Variants in KLHL1 observed in about 807,000 individuals in gnomAD.
KLHL1 encodes kelch like family member 1.
KLHL1 carries 47 observed loss-of-function variants against 77.7 expected under a neutral mutation model. The observed-to-expected ratio is 0.60, with a 90% confidence interval of 0.48 to 0.77. The LOEUF (loss-of-function observed/expected upper bound fraction) is 0.77, where lower values mean the gene tolerates loss of function less well. Among genes scored for constraint, KLHL1 ranks in the 30% least tolerant of loss-of-function variants. The pLI is 0.00. For synonymous variants in KLHL1, 360 were observed against 325.2 expected (o/e 1.11, Z -1.15); for missense variants, 925 against 910.8 (o/e 1.02, Z -0.20).
chr13:70,065,194 A>G (rs1318166227), intron 1 of KLHL1, among the ~76,000 whole-genome samples: 1 of 152,206 alleles, frequency 6.6e-6, no homozygotes, highest in African/African-American at 2.4e-5. Context: ...GTAGAAAAAA[A>G]TATTTTAACT....
chr13:69,896,515 TA>T (rs935676871), intron 4 of KLHL1, among the ~76,000 whole-genome samples: 2 of 152,170 alleles, frequency 1.3e-5, no homozygotes, highest in Admixed American at 1.3e-4. Context: ...TGCTTGTTAT[TA>T]AAAAAATAGT....
At chr13:69,865,201 T>C (rs1277721086) in intron 5 of KLHL1, among the ~76,000 whole-genome samples, 1 of 152,124 alleles carries the variant, frequency 6.6e-6, no homozygotes, top group Non-Finnish European at 1.5e-5. Context: ...CCTCTCCAAG[T>C]GCAGAGATTG....
intron 1 of KLHL1, among the ~76,000 whole-genome samples, chr13:69,976,642 C>T (rs4545684): frequency 6.6e-6 from 1 of 151,900 alleles, no homozygotes; most frequent in East Asian, 1.9e-4. Context: ...TAATTAGATT[C>T]ATAAAGTTAA....
intron 6 of KLHL1, among the ~76,000 whole-genome samples, chr13:69,834,955 T>A (rs1405052257): frequency 6.6e-6 from 1 of 152,148 alleles, no homozygotes; most frequent in Non-Finnish European, 1.5e-5. Context: ...TAATACATGA[T>A]ATTTAAAATT....
chr13:69,709,406 A>G (rs926190837), intron 9 of KLHL1, among the ~76,000 whole-genome samples: 1 of 152,136 alleles, frequency 6.6e-6, no homozygotes, highest in African/African-American at 2.4e-5. Flanking sequence ...TAACTGACTG[A>G]ATATTTAATA....
At chr13:70,024,339 A>T (rs1885877414) in intron 1 of KLHL1, among the ~76,000 whole-genome samples, 1 of 151,910 alleles carries the variant, frequency 6.6e-6, no homozygotes. Context: ...ACACTTCTGA[A>T]TTGTAAGACC....
intron 1 of KLHL1, among the ~76,000 whole-genome samples, chr13:70,039,967 G>T (rs1192495003): frequency 1.3e-5 from 2 of 152,040 alleles, no homozygotes; most frequent in Non-Finnish European, 2.9e-5. Context: ...GGGTTTTCCA[G>T]TGTAAATCTT....
intron 6 of KLHL1, among the ~76,000 whole-genome samples, chr13:69,802,107 A>G (rs184769944): frequency 6.6e-6 from 1 of 152,212 alleles, no homozygotes; most frequent in African/African-American, 2.4e-5. Context: ...ATGAGTGAGA[A>G]CATGCAGTGT....
chr13:69,861,804 A>AAAC (rs1555274917), intron 5 of KLHL1, among the ~76,000 whole-genome samples: 9 of 148,120 alleles, frequency 6.1e-5, no homozygotes, highest in Non-Finnish European at 1.3e-4. Flanking sequence ...AAAAAAAAAA[A>AAAC]AAAATACAAA....
chr13:70,092,598 G>A (rs980393969), intron 1 of KLHL1, among the ~76,000 whole-genome samples: 5 of 152,054 alleles, frequency 3.3e-5, no homozygotes, highest in East Asian at 3.9e-4. Context: ...ATAATGATTC[G>A]TAGAATGTAA....
intron 7 of KLHL1, among the ~76,000 whole-genome samples, chr13:69,755,568 TGATA>T (rs1457834126): frequency 6.6e-6 from 1 of 152,120 alleles, no homozygotes; most frequent in African/African-American, 2.4e-5. Context: ...ATTTCAAATA[TGATA>T]GATCTGAATT....
At chr13:70,021,215 T>G (rs2137352101) in intron 1 of KLHL1, among the ~76,000 whole-genome samples, 1 of 152,210 alleles carries the variant, frequency 6.6e-6, no homozygotes, top group South Asian at 2.1e-4. Flanking sequence ...TCTGAAACTT[T>G]TTAGTGTTTC....
chr13:70,013,839 A>G (rs1885595608), intron 1 of KLHL1, among the ~76,000 whole-genome samples: 1 of 152,154 alleles, frequency 6.6e-6, no homozygotes, highest in Non-Finnish European at 1.5e-5. Context: ...GAGCTTTTAC[A>G]TGTAGTAAAA....
intron 1 of KLHL1, among the ~76,000 whole-genome samples, chr13:70,027,476 A>G (rs919369967): frequency 6.6e-6 from 1 of 152,028 alleles, no homozygotes; most frequent in African/African-American, 2.4e-5. Context: ...CAAGATATGA[A>G]TACAAATATA....
intron 1 of KLHL1, among the ~76,000 whole-genome samples, chr13:70,075,991 C>T (rs986577454): frequency 1.3e-5 from 2 of 150,996 alleles, no homozygotes; most frequent in African/African-American, 4.9e-5. Flanking sequence ...TATCAAAGCT[C>T]TAAATAAAGA....
chr13:69,920,401 G>A (rs1295491288), intron 4 of KLHL1, among the ~76,000 whole-genome samples: 1 of 152,044 alleles, frequency 6.6e-6, no homozygotes, highest in Admixed American at 6.6e-5. Context: ...TATTTAGGCA[G>A]TACCCAATAA....
chr13:69,772,143 G>A (rs201191590), intron 7 of KLHL1, among the ~76,000 whole-genome samples: 78 of 151,776 alleles, frequency 5.1e-4, no homozygotes, highest in East Asian at 1.2e-3. Flanking sequence ...ATAGAGTTGG[G>A]GTTTCACCAT....
At chr13:69,751,134 G>C (rs1018013853) in intron 7 of KLHL1, among the ~76,000 whole-genome samples, 1 of 151,700 alleles carries the variant, frequency 6.6e-6, no homozygotes, top group Admixed American at 6.6e-5. Context: ...GTGTGTGTGT[G>C]TGTGTGTGTG....
At chr13:69,880,941 A>G (rs1475643736) in intron 5 of KLHL1, among the ~76,000 whole-genome samples, 1 of 152,176 alleles carries the variant, frequency 6.6e-6, no homozygotes, top group East Asian at 1.9e-4. Flanking sequence ...CTTTCTGGCT[A>G]ATAGTGATCA....
Sources: gnomAD v4.1 joint callset for allele counts (sites outside exome capture counted in the v4.1 genomes callset) on GRCh38, gnomAD v4.1.1 for gene constraint, MANE v1.5 for transcripts, NCBI Gene and HGNC (gene_info 2026-07-23, HGNC 2026-07-21) for gene names.